The following SLC25A48 variants were observed in gnomAD, a reference collection of about 807,000 sequenced individuals.
SLC25A48 encodes CTC-321K16.1.
A neutral mutation model predicts 32.2 loss-of-function variants in SLC25A48; 29 were observed. That is an observed-to-expected ratio of 0.90 (90% CI 0.67 to 1.23). The LOEUF is 1.23. SLC25A48 is among the 50% of genes most tolerant of loss of function. The probability of loss-of-function intolerance (pLI) is 0.00; values close to 1 mark genes in which losing one functional copy is unlikely to be tolerated. For missense variants in SLC25A48, 399 were observed against 422.7 expected, an observed-to-expected ratio of 0.94 and a Z score of 0.49; for synonymous variants, 164 against 172.3, an observed-to-expected ratio of 0.95 and a Z score of 0.38.
At chr5:135,646,000 G>A (rs1752949108) in intron 3 of SLC25A48, among the ~76,000 whole-genome samples, 1 of 152,172 alleles carries the variant, frequency 6.6e-6, no homozygotes, top group Middle Eastern at 3.2e-3. Flanking sequence ...TTCTTAATAA[G>A]AGACTTGGGA....
chr5:135,633,912 G>A (rs1273798401), intron 2 of SLC25A48, among the ~76,000 whole-genome samples: 1 of 151,914 alleles, frequency 6.6e-6, no homozygotes, highest in Admixed American at 6.6e-5. Flanking sequence ...TCTTATATTG[G>A]CAAATGGCTA....
rs116154521 is a variant in SLC25A48, at chr5:135,689,065, G to T, written c.-521+54109G>T. Among the ~76,000 whole-genome samples, 535 of 152,306 alleles carry T rather than the reference G, an allele frequency of 3.5e-3. 2 individuals carry two copies. The highest frequency in any genetic ancestry group is 0.012 in the African/African-American group (506 of 41,580). ...TAATAAGATCAAGGCTACATAGCTAGTAAGTTTGTCTAGCTTCCGAGTCTG... is the reference window on the plus strand; with the variant it reads ...TAATAAGATCAAGGCTACATAGCTATTAAGTTTGTCTAGCTTCCGAGTCTG... On this transcript the variant is annotated intron_variant, in intron 3 of 10. Coordinates refer to the SLC25A48 transcript ENST00000646290.
intron 1 of SLC25A48, among the ~76,000 whole-genome samples, chr5:135,623,392 A>G (rs1752368962): frequency 6.6e-6 from 1 of 152,190 alleles, no homozygotes; most frequent in South Asian, 2.1e-4. Flanking sequence ...CATGGTGCTC[A>G]AGGCTCTTGG....
At chr5:135,753,093 C>A (rs2127010167) in intron 3 of SLC25A48, among the ~76,000 whole-genome samples, 1 of 151,968 alleles carries the variant, frequency 6.6e-6, no homozygotes, top group Non-Finnish European at 1.5e-5. Flanking sequence ...ATGATATTAG[C>A]AATAATTGCT....
intron 1 of SLC25A48, among the ~76,000 whole-genome samples, chr5:135,841,544 A>T (rs1580962288): frequency 6.6e-6 from 1 of 152,220 alleles, no homozygotes; most frequent in East Asian, 1.9e-4. Context: ...GTTTTTCATG[A>T]CATAGGGATC....
At position 135,871,574 on chromosome 5, in the gene SLC25A48, CG is replaced by C. The variant is rs747050167; in HGVS notation, c.541del (p.Ala181ProfsTer6). ...GAATGAGGGCCTGGCGGGGCTATAC[CG>C]GGGGGCCAGTGCCATGCTGCTGAGG... ...VRNEGLAGLY[R>X]GASAMLLRDV... On this transcript the variant is annotated frameshift_variant, in exon 5 of 8. Coordinates refer to ENST00000681962, the MANE Select transcript of SLC25A48 (RefSeq NM_001349336.2). LOFTEE classifies it high-confidence loss of function. 1.2e-6 allele frequency: 2 copies of C among 1,614,156 alleles called. No homozygotes were observed. The highest frequency in any genetic ancestry group is 2.2e-5 in the East Asian group (1 of 44,876).
chr5:135,627,744 A>AT (rs5871568), intron 1 of SLC25A48, among the ~76,000 whole-genome samples: 152,223 of 152,226 alleles, frequency 1, 76,110 homozygotes, highest in Non-Finnish European at 1. Flanking sequence ...TTATTACTGC[A>AT]TGTGCATATA....
intron 3 of SLC25A48, among the ~76,000 whole-genome samples, chr5:135,798,429 A>G (rs929238616): frequency 3.3e-5 from 5 of 151,550 alleles, no homozygotes; most frequent in Admixed American, 1.3e-4. Flanking sequence ...TAATATCCAG[A>G]AGGGGAGAAA....
At chr5:135,622,964 A>G (rs1266933326) in intron 1 of SLC25A48, among the ~76,000 whole-genome samples, 7 of 152,200 alleles carry the variant, frequency 4.6e-5, no homozygotes, top group Non-Finnish European at 8.8e-5. Context: ...TGAGGGCTGA[A>G]TATGCGGGGG....
At chr5:135,616,018 T>C (rs1351340721) in intron 1 of SLC25A48, among the ~76,000 whole-genome samples, 1 of 152,228 alleles carries the variant, frequency 6.6e-6, no homozygotes, top group Non-Finnish European at 1.5e-5. Flanking sequence ...CATCTTGGTG[T>C]TAAGCCTGTG....
chr5:135,769,085 C>T (rs977789319), intron 3 of SLC25A48, among the ~76,000 whole-genome samples: 3 of 151,512 alleles, frequency 2.0e-5, no homozygotes, highest in African/African-American at 7.3e-5. Flanking sequence ...GGTGTAAACA[C>T]CTCTGAGATA....
chr5:135,725,029 T>C (rs1580816475), intron 3 of SLC25A48, among the ~76,000 whole-genome samples: 5 of 152,246 alleles, frequency 3.3e-5, no homozygotes, highest in Admixed American at 3.3e-4. Flanking sequence ...AAAAGGCTTT[T>C]TGCTCTTTTG....
intron 3 of SLC25A48, among the ~76,000 whole-genome samples, chr5:135,682,733 T>A (rs1341430092): frequency 6.6e-6 from 1 of 152,170 alleles, no homozygotes; most frequent in Non-Finnish European, 1.5e-5. Flanking sequence ...GAAATTATAA[T>A]TCAAGTCCCC....
upstream of SLC25A48, among the ~76,000 whole-genome samples, chr5:135,832,607 G>C (rs1758247164): frequency 6.6e-6 from 1 of 152,170 alleles, no homozygotes; most frequent in Admixed American, 6.5e-5. Context: ...TGCTCTTACA[G>C]CCACCTCTGT....
chr5:135,794,211 C>T (rs1757107602), intron 3 of SLC25A48, among the ~76,000 whole-genome samples: 1 of 151,518 alleles, frequency 6.6e-6, no homozygotes, highest in African/African-American at 2.4e-5. Context: ...TGGTGTACAC[C>T]CCTTCTGTGA....
At chr5:135,693,642 C>A (rs1394720144) in intron 3 of SLC25A48, among the ~76,000 whole-genome samples, 6 of 152,230 alleles carry the variant, frequency 3.9e-5, no homozygotes, top group Non-Finnish European at 5.9e-5. Context: ...CCTGTTACCA[C>A]CTGACACCAC....
chr5:135,653,894 A>T (rs1580757717), intron 3 of SLC25A48: 3 of 456,304 alleles, frequency 6.6e-6, no homozygotes, highest in South Asian at 1.5e-5. Context: ...GCCACAGGGC[A>T]AGCATATACT....
chr5:135,591,300 C>T (rs1751521501), intron 1 of SLC25A48, among the ~76,000 whole-genome samples: 1 of 152,262 alleles, frequency 6.6e-6, no homozygotes, highest in Non-Finnish European at 1.5e-5. Context: ...AAGGGACTTA[C>T]TCAGGGCACA....
chr5:135,639,333 T>G (rs187825666), intron 3 of SLC25A48, among the ~76,000 whole-genome samples: 8 of 152,318 alleles, frequency 5.3e-5, no homozygotes, highest in African/African-American at 1.4e-4. Context: ...TTCAGAAAGC[T>G]TTATATTCCA....
Sources: gnomAD v4.1 joint callset for allele counts (sites outside exome capture counted in the v4.1 genomes callset) on GRCh38, gnomAD v4.1.1 for gene constraint, MANE v1.5 for transcripts, NCBI Gene and HGNC (gene_info 2026-07-23, HGNC 2026-07-21) for gene names.